The following MGAT5 variants were observed in gnomAD, a reference collection of about 807,000 sequenced individuals.
The protein encoded by MGAT5 is alpha-1,6-mannosylglycoprotein 6-beta-N-acetylglucosaminyltransferase.
MGAT5 carries 30 observed loss-of-function variants against 94.3 expected under a neutral mutation model. The ratio of observed to expected loss-of-function variants is 0.32; its 90% CI spans 0.24 to 0.43. MGAT5 has a LOEUF of 0.43. Ranked by LOEUF, MGAT5 falls within the 20% of genes least tolerant of loss-of-function variation. The pLI, the probability that MGAT5 is intolerant of heterozygous loss-of-function variation, is 1.00. For missense variants in MGAT5, 691 were observed against 905.5 expected, an observed-to-expected ratio of 0.76 and a Z score of 3.04; for synonymous variants, 310 against 322.9, an observed-to-expected ratio of 0.96 and a Z score of 0.43.
At chr2:134,442,844 G>T (rs1685562755) in intron 15 of MGAT5, among the ~76,000 whole-genome samples, 1 of 147,630 alleles carries the variant, frequency 6.8e-6, no homozygotes, top group Non-Finnish European at 1.5e-5. Context: ...CTGATTAGGT[G>T]TTTTATGCAA....
chr2:134,292,471 C>G (rs1055191412), intron 2 of MGAT5, among the ~76,000 whole-genome samples: 1 of 152,166 alleles, frequency 6.6e-6, no homozygotes, highest in Admixed American at 6.6e-5. Context: ...AAAAGGAGAA[C>G]TGCTTTCTGT....
chr2:134,397,175 T>G (rs1207701554), intron 10 of MGAT5, among the ~76,000 whole-genome samples: 1 of 152,104 alleles, frequency 6.6e-6, no homozygotes, highest in African/African-American at 2.4e-5. Flanking sequence ...AACAAAACTT[T>G]GAGTTTTGGA....
At chr2:134,350,449 C>T (rs1381139653) in intron 9 of MGAT5, among the ~76,000 whole-genome samples, 1 of 151,988 alleles carries the variant, frequency 6.6e-6, no homozygotes, top group African/African-American at 2.4e-5. Context: ...ATCCTAGGCC[C>T]AGAATGAAAT....
At position 134,453,781 on chromosome 2, in the gene MGAT5, C is replaced by G. The variant is rs1396265719; in HGVS notation, c.*4934C>G. On this transcript the variant is annotated 3_prime_UTR_variant, in exon 16 of 16. Coordinates refer to ENST00000281923, the MANE Select transcript of MGAT5 (RefSeq NM_002410.5). ...CAGGGATTTTGGCCTCTCAGAACAG[C>G]TCCTAGAGGCTGCTCATGACTGAAT... 6.6e-6 allele frequency: 1 copy of G among 152,238 alleles called. No homozygotes were observed. The highest frequency in any genetic ancestry group is 1.9e-4 in the East Asian group (1 of 5,202). 9.4% of individuals were successfully genotyped at this position (152,238 alleles called of 1,614,324 possible). A position where few individuals can be genotyped will look rare whatever the true frequency, so the allele number is the denominator to read the frequency against.
At chr2:134,362,171 A>G in intron 9 of MGAT5, 104 bp from the exon 10 acceptor site, 1 of 1,396,602 alleles carries the variant, frequency 7.2e-7, no homozygotes, top group Non-Finnish European at 9.8e-7. Flanking sequence ...TAAGATGAAA[A>G]CAAACATTTT....
rs1225134013 is a variant in MGAT5 at position 134,450,479 on chromosome 2, G to A, written c.*1632G>A. On this transcript the variant is annotated 3_prime_UTR_variant, in exon 16 of 16. Transcript: ENST00000281923. ...GAGTTAGTGTGGGGCCTTTAAGTCTGGGAAGTTACATTCTGCTTCTTTCTC... is the reference window on the plus strand; with the variant it reads ...GAGTTAGTGTGGGGCCTTTAAGTCTAGGAAGTTACATTCTGCTTCTTTCTC... 6.6e-6 allele frequency: 1 copy of A among 152,210 alleles called. No homozygotes were observed. Among genetic ancestry groups the A allele is most frequent in the Admixed American group, 6.5e-5 (1 of 15,288 alleles). 9.4% of individuals were successfully genotyped at this position (152,210 alleles called of 1,614,324 possible). A position where few individuals can be genotyped will look rare whatever the true frequency, so the allele number is the denominator to read the frequency against.
In MGAT5 at chr2:134,320,938, C is replaced by T. The variant is rs144312602; in HGVS notation, c.573+2199C>T. Reference sequence around the variant, plus strand: ...CCATGATTTTTTGGGGGAAGGGGGACAAGGTTGTTCCATTGCCATCATGAA... The same window carrying T: ...CCATGATTTTTTGGGGGAAGGGGGATAAGGTTGTTCCATTGCCATCATGAA... On this transcript the variant is annotated intron_variant, in intron 4 of 15. Transcript: ENST00000281923. Among the ~76,000 whole-genome samples, 1,002 of 152,158 alleles carry T rather than the reference C, an allele frequency of 6.6e-3. 6 individuals carry two copies. Among genetic ancestry groups the T allele is most frequent in the South Asian group, 0.023 (109 of 4,814 alleles).
intron 1 of MGAT5, among the ~76,000 whole-genome samples, chr2:134,237,841 C>G (rs1451189106): frequency 6.6e-6 from 1 of 151,114 alleles, no homozygotes; most frequent in Non-Finnish European, 1.5e-5. Context: ...GCCTCTGCCT[C>G]CTGGGTTCAA....
At position 134,165,768 on chromosome 2, in the gene MGAT5, C is replaced by CT. The variant is rs200358360; in HGVS notation, c.-143+45478dup. The stretch of plus-strand genomic sequence containing the variant: ...CCAGCCTGGGCGACAGAGCGAAACT[C>CT]TGTCTCAAAAAAAAAAAATTCTAGG... On this transcript the variant is annotated intron_variant, in intron 1 of 16. Transcript: ENST00000409645. Among the ~76,000 whole-genome samples the CT allele has an allele frequency of 3.3e-5, 5 of 151,366 alleles. No individual in the cohort carries two copies. The East Asian group carries it at 9.7e-4, about 29-fold the overall frequency.
intron 1 of MGAT5, among the ~76,000 whole-genome samples, chr2:134,170,652 G>C (rs1253982919): frequency 1.3e-5 from 2 of 152,180 alleles, no homozygotes; most frequent in Admixed American, 1.3e-4. Context: ...ACAACAGTCA[G>C]CTTGAAGGTG....
chr2:134,419,442 T>TTGTGTG (rs56181696), intron 12 of MGAT5, among the ~76,000 whole-genome samples: 22,106 of 133,996 alleles, frequency 0.16, 1,928 homozygotes, highest in Non-Finnish European at 0.19. Context: ...GCTTCAGGGT[T>TTGTGTG]TGTGTGTGTG....
At chr2:134,177,758 C>G (rs979190237) in intron 1 of MGAT5, among the ~76,000 whole-genome samples, 15 of 152,224 alleles carry the variant, frequency 9.9e-5, no homozygotes, top group African/African-American at 3.4e-4. Flanking sequence ...AGTGCTCATG[C>G]AGGCTCGCAG....
chr2:134,273,050 G>A (rs991769967), intron 2 of MGAT5, among the ~76,000 whole-genome samples: 13 of 152,040 alleles, frequency 8.6e-5, no homozygotes, highest in African/African-American at 3.1e-4. Context: ...CATGCATGCA[G>A]AGGCATCCCT....
At chr2:134,202,718 T>TAA (rs1249466334) in intron 1 of MGAT5, among the ~76,000 whole-genome samples, 1 of 152,238 alleles carries the variant, frequency 6.6e-6, no homozygotes, top group African/African-American at 2.4e-5. Flanking sequence ...AGGATCTTTT[T>TAA]AAAGACATTC....
intron 2 of MGAT5, among the ~76,000 whole-genome samples, chr2:134,315,451 C>T (rs1189383427): frequency 2.0e-5 from 3 of 152,182 alleles, no homozygotes; most frequent in African/African-American, 7.2e-5. Context: ...AAATACTATT[C>T]TTTGGTGAGG....
intron 1 of MGAT5, among the ~76,000 whole-genome samples, chr2:134,270,131 CTT>C (rs1683940193): frequency 1.3e-5 from 2 of 152,348 alleles, no homozygotes; most frequent in South Asian, 2.1e-4. Flanking sequence ...AGTTTTCTCT[CTT>C]GACCAAGTAG....
intron 1 of MGAT5, among the ~76,000 whole-genome samples, chr2:134,191,101 G>A (rs1440898794): frequency 6.6e-6 from 1 of 152,202 alleles, no homozygotes; most frequent in African/African-American, 2.4e-5. Flanking sequence ...GGCACCGTCT[G>A]TTCTTTTTCT....
Position 134,453,669 on chromosome 2 carries a change from TC to T in MGAT5, c.*4823del, listed in dbSNP as rs1686213078. 6.6e-6 allele frequency: 1 copy of T among 152,170 alleles called. No homozygotes were observed. The highest frequency in any genetic ancestry group is 1.5e-5 in the Non-Finnish European group (1 of 68,046). The allele number at this position is 152,170 out of a possible 1,614,324, so 9.4% of individuals were successfully genotyped here. A position where few individuals can be genotyped will look rare whatever the true frequency, so the allele number is the denominator to read the frequency against. ...GGATCAGACTCCCAGACTGGTTAGT[TC>T]TGCATGTTTCCATCAAATTAAAGGT... On this transcript the variant is annotated 3_prime_UTR_variant, in exon 16 of 16. Coordinates refer to ENST00000281923, the MANE Select transcript of MGAT5 (RefSeq NM_002410.5).
chr2:134,229,306 A>G (rs747669583), intron 1 of MGAT5, among the ~76,000 whole-genome samples: 1 of 152,216 alleles, frequency 6.6e-6, no homozygotes, highest in Non-Finnish European at 1.5e-5. Context: ...GTTCTTGTTC[A>G]TAGAATGGCA....
Sources: gnomAD v4.1 joint callset for allele counts (sites outside exome capture counted in the v4.1 genomes callset) on GRCh38, gnomAD v4.1.1 for gene constraint, MANE v1.5 for transcripts, NCBI Gene and HGNC (gene_info 2026-07-23, HGNC 2026-07-21) for gene names.